The following SREBF2 variants were observed in gnomAD, a reference collection of about 807,000 sequenced individuals.
SREBF2 encodes sterol regulatory element binding transcription factor 2.
SREBF2 carries 55 observed loss-of-function variants against 113.1 expected under a neutral mutation model. The ratio of observed to expected loss-of-function variants is 0.49; its 90% CI spans 0.39 to 0.61. The LOEUF is 0.61. Ranked by LOEUF, SREBF2 falls within the 20% of genes least tolerant of loss-of-function variation. SREBF2 has a pLI of 0.00. For synonymous variants in SREBF2, 593 were observed against 605.7 expected, an observed-to-expected ratio of 0.98 and a Z score of 0.31; for missense variants, 1,349 against 1,487.4, an observed-to-expected ratio of 0.91 and a Z score of 1.53.
At chr22:41,834,452 C>T (rs1272385228) in intron 1 of SREBF2, 1 of 152,654 alleles carries the variant, frequency 6.6e-6, no homozygotes, top group Non-Finnish European at 1.5e-5. Context: ...CCTTAGAGAG[C>T]TTAGGCAGAA....
At chr22:41,903,380 G>A (rs982149045) in intron 17 of SREBF2, among the ~76,000 whole-genome samples, 1 of 152,244 alleles carries the variant, frequency 6.6e-6, no homozygotes, top group African/African-American at 2.4e-5. Context: ...TGGCCCTGGA[G>A]CTCAGCAGGG....
In SREBF2 at chr22:41,833,130, C is replaced by G. The variant is rs886514133; in HGVS notation, c.-141C>G. On this transcript the variant is annotated 5_prime_UTR_variant, in exon 1 of 19. Transcript: ENST00000361204. The surrounding 1 kb of genome is among the most constrained non-coding windows in gnomAD (Gnocchi z 4.1). ...CTTTCTGTGCGGCGCCCGGGCGCAA[C>G]GCAAACATGGCGGCGGGTGGCACCC... The G allele has an allele frequency of 1.2e-5, 7 of 592,364 alleles. No individual in the cohort carries two copies. The South Asian group carries it at 1.7e-4, about 14-fold the overall frequency. The allele number at this position is 592,364 out of a possible 1,614,324, so 36.7% of individuals were successfully genotyped here.
At position 41,875,637 on chromosome 22, in the gene SREBF2, C is replaced by G. The variant is rs202158466; in HGVS notation, c.1299C>G (p.Pro433=). Residue 433 remains proline, a synonymous_variant, in exon 7 of 19, where the codon CCC becomes CCG. Coordinates refer to ENST00000361204, the MANE Select transcript of SREBF2 (RefSeq NM_004599.4). ...ATCAGAATGTCCTTCTGATGTCCCC[C>G]CCAGCCTCTGACTCAGGGTCCCAGG... ...DFNQNVLLMS[P]PASDSGSQAG... The G allele has an allele frequency of 1.9e-5, 31 of 1,614,060 alleles. No individual in the cohort carries two copies. The South Asian group carries it at 3.0e-4, about 15-fold the overall frequency.
intron 10 of SREBF2, among the ~76,000 whole-genome samples, chr22:41,881,576 T>G (rs2077246181): frequency 6.6e-6 from 1 of 152,158 alleles, no homozygotes; most frequent in Non-Finnish European, 1.5e-5. Flanking sequence ...GGCAGAGGGA[T>G]GTTCCCAAGG....
intron 17 of SREBF2, 32 bp from the exon 18 acceptor site, chr22:41,904,831 G>A (rs2077492325): frequency 1.3e-6 from 2 of 1,521,378 alleles, no homozygotes; most frequent in African/African-American, 1.4e-5. Context: ...GGGACCAGGG[G>A]TGTGATGGAT....
chr22:41,861,353 G>A (rs1054717004), intron 1 of SREBF2, among the ~76,000 whole-genome samples: 23 of 152,144 alleles, frequency 1.5e-4, no homozygotes, highest in African/African-American at 3.6e-4. Context: ...ATGGTGGCAC[G>A]CACCTGTAAT....
Position 41,898,747 on chromosome 22 carries a change from G to C in SREBF2, c.2704G>C (p.Val902Leu), listed in dbSNP as rs17848351. The C allele has an allele frequency of 3.9e-4, 630 of 1,614,176 alleles. 3 individuals carry two copies. In the East Asian group the frequency reaches 0.01, roughly 26 times the overall value. The change falls in exon 15 of 19, where the codon GTG (valine) becomes CTG (leucine). Residue 902 changes from valine (V) to leucine (L), a missense_variant. Around this residue, in one of 2 missense-constraint regions of SREBF2, gnomAD observed 650 missense variants for 644.1 expected, o/e 1.01. Transcript: ENST00000361204. ...AGCTGTGCGCTCTCATTTTACCAAA[G>C]TGGAACGCATCCCCAAGGCCCTGGA... ...DAAVRSHFTK[V>L]ERIPKALEVT... is the part of the protein sequence containing the mutation.
chr22:41,896,973 G>T, intron 13 of SREBF2, 79 bp from the exon 14 acceptor site: 2 of 1,001,288 alleles, frequency 2.0e-6, no homozygotes, highest in Middle Eastern at 2.1e-4. Context: ...CTTAGAGCTG[G>T]AGAGCTGAAC....
rs2077092446 is a variant in SREBF2 at position 41,867,343 on chromosome 22, A to G, written c.538+63A>G. The G allele has an allele frequency of 3.2e-6, 5 of 1,551,652 alleles. No individual in the cohort carries two copies. In the Admixed American group the frequency reaches 5.0e-5, roughly 16 times the overall value. ...CCAATGTTTATGTGCCAGTTTGCAGACACTGTAAATATTTCTGTCGTCTTC... is the reference window on the plus strand; with the variant it reads ...CCAATGTTTATGTGCCAGTTTGCAGGCACTGTAAATATTTCTGTCGTCTTC... On this transcript the variant is annotated intron_variant, in intron 2 of 18. Coordinates refer to ENST00000361204, the MANE Select transcript of SREBF2 (RefSeq NM_004599.4).
intron 7 of SREBF2, among the ~76,000 whole-genome samples, chr22:41,876,284 T>C (rs1310006542): frequency 1.3e-5 from 2 of 152,236 alleles, no homozygotes; most frequent in Non-Finnish European, 2.9e-5. Flanking sequence ...GGTTTTGTAC[T>C]GTATTTTGAC....
In SREBF2 at chr22:41,866,890, C is replaced by T; in HGVS notation, c.148C>T (p.Leu50=). The T allele has an allele frequency of 1.2e-6, 2 of 1,614,152 alleles. No individual in the cohort carries two copies. Among genetic ancestry groups the T allele is most frequent in the South Asian group, 2.2e-5 (2 of 91,088 alleles). The change falls in exon 2 of 19, where the codon CTG becomes TTG. Residue 50 remains leucine (L), a synonymous_variant. Transcript: ENST00000361204. The part of the protein sequence containing the change: ...GEFPDLFSEQ[L]CSSFPGSGGS... ...GTTCCCTGACTTGTTTTCAGAACAG[C>T]TGTGTAGCTCCTTTCCTGGCAGTGG...
intron 14 of SREBF2, among the ~76,000 whole-genome samples, chr22:41,898,206 G>A (rs767008560): frequency 3.9e-5 from 6 of 152,018 alleles, no homozygotes; most frequent in Admixed American, 1.3e-4. Context: ...CGCCCGCACC[G>A]AGGTTCAAGC....
intron 1 of SREBF2, among the ~76,000 whole-genome samples, chr22:41,852,868 G>A (rs948113269): frequency 1.3e-5 from 2 of 149,104 alleles, no homozygotes; most frequent in Admixed American, 1.4e-4. Flanking sequence ...TGATTCTTCT[G>A]CCTCAGCCTC....
At chr22:41,846,539 C>T (rs1182641472) in intron 1 of SREBF2, among the ~76,000 whole-genome samples, 1 of 152,176 alleles carries the variant, frequency 6.6e-6, no homozygotes, top group African/African-American at 2.4e-5. Context: ...AAATGCCCAC[C>T]ATGTATTCTG....
chr22:41,853,507 T>G (rs919431116), intron 1 of SREBF2, among the ~76,000 whole-genome samples: 8 of 152,220 alleles, frequency 5.3e-5, no homozygotes, highest in Non-Finnish European at 1.0e-4. Flanking sequence ...TCACAAACCA[T>G]ATTGTGATCC....
Position 41,904,407 on chromosome 22 carries a change from C to T in SREBF2, c.3094-456C>T, listed in dbSNP as rs75783802. On this transcript the variant is annotated intron_variant, in intron 17 of 18. Transcript: ENST00000361204. ...ATACCTAAGCGCTGCAGACTTTACC[C>T]GCACACCTCTAGACTCTCTTCCTTT... 1.8e-3 allele frequency: 640 copies of T among 364,116 alleles called. 5 individuals carry two copies. The highest frequency in any genetic ancestry group is 0.012 in the African/African-American group (570 of 47,032). 22.6% of individuals were successfully genotyped at this position (364,116 alleles called of 1,614,324 possible).
chr22:41,892,589 AGT>A (rs1294200380), intron 11 of SREBF2, among the ~76,000 whole-genome samples: 1 of 143,960 alleles, frequency 6.9e-6, no homozygotes, highest in Non-Finnish European at 1.5e-5. Flanking sequence ...CAGAGCTTGC[AGT>A]GAGTCGAGAT....
At position 41,870,972 on chromosome 22, in the gene SREBF2, G is replaced by C. The variant is rs139874427; in HGVS notation, c.804G>C (p.Ala268=). ...LKTDGSPVMA[A]VQNPALTALT... ...CAGATGGCAGCCCTGTTATGGCTGC[G>C]GTCCAGAACCCGGCCCTCACCGCCC... Residue 268 remains alanine, a synonymous_variant, in exon 4 of 19, where the codon GCG becomes GCC. Transcript: ENST00000361204. The C allele has an allele frequency of 3.1e-6, 5 of 1,613,840 alleles. No individual in the cohort carries two copies. Among genetic ancestry groups the C allele is most frequent in the East Asian group, 2.2e-5 (1 of 44,888 alleles).
chr22:41,838,158 G>A (rs2076796657), intron 1 of SREBF2, among the ~76,000 whole-genome samples: 1 of 152,198 alleles, frequency 6.6e-6, no homozygotes, highest in African/African-American at 2.4e-5. Flanking sequence ...GATCAGGAAA[G>A]AAACAGTCAT....
Sources: gnomAD v4.1 joint callset for allele counts (sites outside exome capture counted in the v4.1 genomes callset) on GRCh38, gnomAD v4.1.1 for gene constraint, gnomAD v4.1.1 regional missense constraint, Gnocchi (gnomAD v3.1) non-coding constraint, MANE v1.5 for transcripts, NCBI Gene and HGNC (gene_info 2026-07-23, HGNC 2026-07-21) for gene names.